TECRL: variants seen among roughly 807,000 people sequenced by gnomAD.
The protein encoded by TECRL is trans-2,3-enoyl-CoA reductase-like.
TECRL carries 63 observed loss-of-function variants against 52.8 expected under a neutral mutation model. That is an observed-to-expected ratio of 1.19 (90% CI 0.97 to 1.47). The LOEUF (loss-of-function observed/expected upper bound fraction) is 1.47, where lower values mean the gene tolerates loss of function less well. TECRL is among the 40% of genes most tolerant of loss of function. The pLI, the probability that TECRL is intolerant of heterozygous loss-of-function variation, is 0.00. For synonymous variants in TECRL, 164 were observed against 141.9 expected (o/e 1.16, Z -1.10); for missense variants, 482 against 429.6 (o/e 1.12, Z -1.08).
intron 5 of TECRL, 109 bp from the exon 6 acceptor site, chr4:64,310,040 C>G: frequency 5.1e-6 from 3 of 590,312 alleles, no homozygotes; most frequent in Non-Finnish European, 5.9e-6. Context: ...TATTGGGAAA[C>G]ATTGTTTCTG....
chr4:64,282,721 C>A (rs1722888436), intron 9 of TECRL, among the ~76,000 whole-genome samples: 1 of 151,880 alleles, frequency 6.6e-6, no homozygotes, highest in African/African-American at 2.4e-5. Context: ...TACATTTTTT[C>A]CAGACCTAGT....
intron 2 of TECRL, among the ~76,000 whole-genome samples, chr4:64,370,069 T>TA (rs967501074): frequency 6.6e-6 from 1 of 151,692 alleles, no homozygotes; most frequent in Non-Finnish European, 1.5e-5. Flanking sequence ...CTTACTGGTA[T>TA]AAAAAAAGAT....
At chr4:64,350,769 C>A (rs1053791588) in intron 2 of TECRL, among the ~76,000 whole-genome samples, 2 of 151,826 alleles carry the variant, frequency 1.3e-5, no homozygotes, top group African/African-American at 4.8e-5. Context: ...CCTATCCCAT[C>A]AGGACGTGCC....
chr4:64,309,679 G>T (rs1330644520), intron 6 of TECRL, 147 bp downstream of exon 6: 10 of 655,456 alleles, frequency 1.5e-5, no homozygotes, highest in East Asian at 2.8e-5. Flanking sequence ...CAAAAAGAAT[G>T]ACATTTTAGG....
chr4:64,286,523 T>A (rs148229089), intron 9 of TECRL, among the ~76,000 whole-genome samples: 5 of 146,166 alleles, frequency 3.4e-5, no homozygotes, highest in African/African-American at 1.3e-4. Flanking sequence ...TTGAGGAAAT[T>A]TTTTAGAACG....
At chr4:64,400,559 T>C (rs1049245190) in intron 1 of TECRL, among the ~76,000 whole-genome samples, 2 of 152,152 alleles carry the variant, frequency 1.3e-5, no homozygotes, top group Admixed American at 1.3e-4. Flanking sequence ...ATCTCATGTA[T>C]AAATGGAATC....
chr4:64,342,902 A>G (rs1354621343), intron 2 of TECRL, among the ~76,000 whole-genome samples: 1 of 152,176 alleles, frequency 6.6e-6, no homozygotes, highest in Non-Finnish European at 1.5e-5. Context: ...GTTTTCTGAA[A>G]AAATAACACT....
intron 2 of TECRL, 58 bp downstream of exon 2, chr4:64,375,114 A>C (rs549764178): frequency 1.1e-6 from 1 of 902,950 alleles, no homozygotes; most frequent in African/African-American, 1.8e-5. Context: ...AGAAAAATTT[A>C]AACCTATTTG....
intron 2 of TECRL, among the ~76,000 whole-genome samples, chr4:64,334,109 G>C (rs11736622): frequency 1.1e-4 from 16 of 148,850 alleles, no homozygotes; most frequent in African/African-American, 3.4e-4. Context: ...TATTTTATTA[G>C]AATTGTTATA....
intron 6 of TECRL, among the ~76,000 whole-genome samples, chr4:64,307,656 G>C (rs932751672): frequency 6.6e-6 from 1 of 152,086 alleles, no homozygotes; most frequent in Non-Finnish European, 1.5e-5. Flanking sequence ...TTTACCCTCA[G>C]ACCCTAATGT....
chr4:64,314,842 T>A, intron 4 of TECRL, 79 bp from the exon 5 acceptor site: 2 of 990,922 alleles, frequency 2.0e-6, no homozygotes, highest in Non-Finnish European at 3.1e-6. Context: ...AGTATTAGCC[T>A]ACTGCATAAA....
chr4:64,369,682 A>C, intron 2 of TECRL, among the ~76,000 whole-genome samples: 1 of 152,082 alleles, frequency 6.6e-6, no homozygotes, highest in South Asian at 2.1e-4. Flanking sequence ...CAAGTTATAT[A>C]ATATTTCTTT....
chr4:64,360,977 A>G (rs1042089712), intron 2 of TECRL, among the ~76,000 whole-genome samples: 1 of 152,104 alleles, frequency 6.6e-6, no homozygotes, highest in Non-Finnish European at 1.5e-5. Flanking sequence ...AAGGCTCAAC[A>G]TACTCCACTA....
At chr4:64,378,507 AC>A (rs1014370224) in intron 1 of TECRL, among the ~76,000 whole-genome samples, 7 of 152,222 alleles carry the variant, frequency 4.6e-5, no homozygotes, top group African/African-American at 1.7e-4. Flanking sequence ...AAACAAACAA[AC>A]AAAGATAAAT....
At chr4:64,356,203 C>T (rs746833766) in intron 2 of TECRL, among the ~76,000 whole-genome samples, 2 of 152,160 alleles carry the variant, frequency 1.3e-5, no homozygotes, top group Admixed American at 6.5e-5. Flanking sequence ...CCTGGAAAGC[C>T]GGGTATTGTC....
intron 1 of TECRL, among the ~76,000 whole-genome samples, chr4:64,401,430 T>C (rs1028066734): frequency 7.9e-5 from 12 of 152,218 alleles, no homozygotes; most frequent in Admixed American, 3.3e-4. Flanking sequence ...TTCTATACTA[T>C]ATACTTTTCA....
chr4:64,291,191 T>G (rs1723363547), intron 8 of TECRL, among the ~76,000 whole-genome samples: 1 of 152,054 alleles, frequency 6.6e-6, no homozygotes, highest in South Asian at 2.1e-4. Flanking sequence ...AGAGAATTCA[T>G]GACAATTGAG....
In TECRL at chr4:64,376,209, T is replaced by C. The variant is rs1183564822; in HGVS notation, c.235-986A>G. On this transcript the variant is annotated intron_variant, in intron 1 of 11. Transcript: ENST00000381210. ...TATTTTAACATATTTCGCCTTCTAC[T>C]TAACAGGATTGTGACTAAGCATTCA... Among the ~76,000 whole-genome samples the C allele has an allele frequency of 3.3e-5, 5 of 151,928 alleles. No homozygotes were observed. In the East Asian group the frequency reaches 9.6e-4, roughly 29 times the overall value.
chr4:64,397,300 A>C (rs1023893029), intron 1 of TECRL, among the ~76,000 whole-genome samples: 1 of 152,010 alleles, frequency 6.6e-6, no homozygotes, highest in Non-Finnish European at 1.5e-5. Flanking sequence ...TCTAAATTTT[A>C]TTACCACTGG....
Sources: allele counts gnomAD v4.1 joint callset (sites outside exome capture counted in the v4.1 genomes callset), GRCh38; gene constraint gnomAD v4.1.1; transcripts MANE v1.5; gene names NCBI Gene and HGNC (gene_info 2026-07-23, HGNC 2026-07-21).